Variants in PPIL2 observed in about 807,000 individuals in gnomAD.
The protein encoded by PPIL2 is RING-type E3 ubiquitin-protein ligase PPIL2.
Under a neutral mutation model 75.2 loss-of-function variants are expected in PPIL2, and 50 were observed. The ratio of observed to expected loss-of-function variants is 0.66; its 90% CI spans 0.53 to 0.84. PPIL2 has a LOEUF of 0.84. PPIL2 is among the 40% of genes least tolerant of loss of function. The pLI is 0.00. For missense variants in PPIL2, 590 were observed against 685.0 expected (o/e 0.86, Z 1.55); for synonymous variants, 245 against 258.8 (o/e 0.95, Z 0.51).
intron 10 of PPIL2, among the ~76,000 whole-genome samples, chr22:21,685,471 G>A (rs2067317310): frequency 6.6e-6 from 1 of 152,122 alleles, no homozygotes; most frequent in Admixed American, 6.5e-5. Context: ...CTGGAGCTAG[G>A]GGGAGGGCAG....
Position 21,692,446 on chromosome 22 carries a change from G to A in PPIL2, c.1140-1370G>A, listed in dbSNP as rs573443717. 1.6e-4 allele frequency among the ~76,000 whole-genome samples: 24 copies of A among 152,056 alleles called. No homozygotes were observed. The East Asian group carries it at 2.0e-3, about 12-fold the overall frequency. ...TGGGATTACAGGCGTGAGCCACTGT[G>A]CCTGGCCAATCCTGACAATCTTAAA... On this transcript the variant is annotated intron_variant, in intron 15 of 19. Coordinates refer to ENST00000398831, the MANE Select transcript of PPIL2 (RefSeq NM_014337.4).
In PPIL2 at chr22:21,697,399, G is replaced by A. The variant is rs2067980043; in HGVS notation, c.*1909G>A. 9.6e-6 allele frequency: 2 copies of A among 208,762 alleles called. No individual in the cohort carries two copies. Among genetic ancestry groups the A allele is most frequent in the South Asian group, 8.2e-5 (1 of 12,232 alleles). The allele number at this position is 208,762 out of a possible 1,614,324, so 12.9% of individuals were successfully genotyped here. A position where few individuals can be genotyped will look rare whatever the true frequency, so the allele number is the denominator to read the frequency against. On this transcript the variant is annotated 3_prime_UTR_variant, in exon 20 of 20. Transcript: ENST00000398831. Reference sequence around the variant, plus strand: ...ACATTCAAGTCCCCCATTGGTGGGGGCAGAGAAGTAGGACCAGGCCATCCT... The same window carrying A: ...ACATTCAAGTCCCCCATTGGTGGGGACAGAGAAGTAGGACCAGGCCATCCT...
chr22:21,691,024 G>A (rs2067604079), intron 15 of PPIL2, among the ~76,000 whole-genome samples: 1 of 134,850 alleles, frequency 7.4e-6, no homozygotes, highest in African/African-American at 2.8e-5. Context: ...GAGTGCAATG[G>A]CGGGATCTCG....
intron 15 of PPIL2, among the ~76,000 whole-genome samples, chr22:21,692,604 G>T (rs1314009178): frequency 6.6e-6 from 1 of 151,434 alleles, no homozygotes; most frequent in African/African-American, 2.4e-5. Context: ...TTTACTTCTG[G>T]TCTAAGGTTA....
chr22:21,683,061 C>A, intron 8 of PPIL2, 121 bp from the exon 9 acceptor site: 1 of 860,326 alleles, frequency 1.2e-6, no homozygotes, highest in South Asian at 1.4e-5. Flanking sequence ...TTGACTCCCC[C>A]AACCTCAGTG....
At chr22:21,692,408 C>A (rs1289321916) in intron 15 of PPIL2, among the ~76,000 whole-genome samples, 2 of 151,738 alleles carry the variant, frequency 1.3e-5, no homozygotes, top group East Asian at 2.0e-4. Flanking sequence ...CCCACCTTGG[C>A]CTCCCAAAGT....
intron 17 of PPIL2, 33 bp downstream of exon 17, chr22:21,694,698 G>A (rs1173987244): frequency 1.2e-6 from 2 of 1,613,102 alleles, no homozygotes; most frequent in Admixed American, 1.7e-5. Flanking sequence ...CGTGGCGGCT[G>A]GGGGCCAGGC....
chr22:21,695,669 T>C lies in PPIL2; in HGVS notation c.*179T>C. The C allele has an allele frequency of 7.1e-7, 1 of 1,410,432 alleles. No homozygotes were observed. Among genetic ancestry groups the C allele is most frequent in the Non-Finnish European group, 9.2e-7 (1 of 1,082,202 alleles). 87.4% of individuals were successfully genotyped at this position (1,410,432 alleles called of 1,614,324 possible). A position where few individuals can be genotyped will look rare whatever the true frequency, so the allele number is the denominator to read the frequency against. ...ACAGCCTTCCCATCCCTTAACCTGT[T>C]GCCAAGGGCCTTGGCCCTGTTTCCA... On this transcript the variant is annotated 3_prime_UTR_variant, in exon 20 of 20. Coordinates refer to ENST00000398831, the MANE Select transcript of PPIL2 (RefSeq NM_014337.4).
chr22:21,675,116 G>T lies in PPIL2; in HGVS notation c.295+1G>T. The T allele has an allele frequency of 1.2e-6, 2 of 1,612,792 alleles. No homozygotes were observed. Among genetic ancestry groups the T allele is most frequent in the South Asian group, 1.1e-5 (1 of 91,062 alleles). On this transcript the variant is annotated splice_donor_variant, in intron 6 of 19. Coordinates refer to ENST00000398831, the MANE Select transcript of PPIL2 (RefSeq NM_014337.4). LOFTEE classifies it high-confidence loss of function. Reference sequence around the variant, plus strand: ...CTGAACTTTTCCAAGAACAGTGAGGGTGAGTGGAACTATCACAGCCAATTC... The same window carrying T: ...CTGAACTTTTCCAAGAACAGTGAGGTTGAGTGGAACTATCACAGCCAATTC...
chr22:21,670,776 G>C, intron 3 of PPIL2, 165 bp downstream of exon 3: 1 of 901,498 alleles, frequency 1.1e-6, no homozygotes, highest in Non-Finnish European at 1.8e-6. Context: ...CATGATGTTA[G>C]GAGCTTGCCT....
At chr22:21,683,734 G>A (rs2067226590) in intron 9 of PPIL2, among the ~76,000 whole-genome samples, 1 of 152,210 alleles carries the variant, frequency 6.6e-6, no homozygotes, top group Admixed American at 6.5e-5. Flanking sequence ...TCAGGGTTGG[G>A]GCTGGGCCGT....
rs545752081 is a variant in PPIL2 at position 21,681,871 on chromosome 22, G to A, written c.387+481G>A. 8.5e-4 allele frequency among the ~76,000 whole-genome samples: 130 copies of A among 152,340 alleles called. 1 individual carries two copies. Among genetic ancestry groups the A allele is most frequent in the African/African-American group, 2.9e-3 (122 of 41,580 alleles). On this transcript the variant is annotated intron_variant, in intron 7 of 19. Coordinates refer to ENST00000398831, the MANE Select transcript of PPIL2 (RefSeq NM_014337.4). ...CATGGGTCCTCCTCTTGGGTGAGGCGGGGCAGGCCCCACATGGCGGGAAAG... is the reference window on the plus strand; with the variant it reads ...CATGGGTCCTCCTCTTGGGTGAGGCAGGGCAGGCCCCACATGGCGGGAAAG...
intron 6 of PPIL2, among the ~76,000 whole-genome samples, chr22:21,676,309 T>TTTTTTTTGTG (rs71318714): frequency 8.1e-6 from 1 of 123,018 alleles, no homozygotes; most frequent in African/African-American, 3.2e-5. Flanking sequence ...TTTATTTATT[T>TTTTTTTTGTG]TGTGTGTGTG....
chr22:21,673,937 A>G (rs1027312526), intron 5 of PPIL2, among the ~76,000 whole-genome samples: 1 of 152,102 alleles, frequency 6.6e-6, no homozygotes, highest in African/African-American at 2.4e-5. Flanking sequence ...ACCTGTAGTG[A>G]TGTAGGGAGG....
rs745805056 is a variant in PPIL2, at chr22:21,694,802, G to A, written c.1317G>A (p.Glu439=). The A allele has an allele frequency of 2.5e-6, 4 of 1,603,792 alleles. No homozygotes were observed. Among genetic ancestry groups the A allele is most frequent in the Non-Finnish European group, 3.4e-6 (4 of 1,173,190 alleles). ...DATTVFVDPY[E]EADAQIAQER... Reference sequence around the variant, plus strand: ...CTACAGTGTTCGTGGACCCCTATGAGGAGGCCGATGCCCAGGTGAGGGGGC... The same window carrying A: ...CTACAGTGTTCGTGGACCCCTATGAAGAGGCCGATGCCCAGGTGAGGGGGC... Residue 439 remains glutamate (E), a synonymous_variant, in exon 18 of 20, where the codon GAG becomes GAA. Transcript: ENST00000398831.
chr22:21,686,023 G>C (rs146589967), intron 10 of PPIL2, among the ~76,000 whole-genome samples: 1 of 151,974 alleles, frequency 6.6e-6, no homozygotes, highest in African/African-American at 2.4e-5. Flanking sequence ...TCAGCCAGGC[G>C]TGGTGGCATG....
rs901274712 is a variant in PPIL2 at position 21,688,716 on chromosome 22, G to T, written c.1022-16G>T. On this transcript the variant is annotated splice_polypyrimidine_tract_variant and intron_variant, in intron 14 of 19. Transcript: ENST00000398831. ...GGGCCCAGGCTTTCCTGCTCCCATG[G>T]GCCTTTCTCTTCCAGGTGGGGAGTC... The T allele has an allele frequency of 6.2e-7, 1 of 1,612,248 alleles. No homozygotes were observed. The highest frequency in any genetic ancestry group is 1.3e-5 in the African/African-American group (1 of 75,012).
chr22:21,677,196 C>G (rs1301625758), intron 6 of PPIL2, among the ~76,000 whole-genome samples: 1 of 151,768 alleles, frequency 6.6e-6, no homozygotes, highest in Non-Finnish European at 1.5e-5. Context: ...CAGAGACACT[C>G]CTCACCTCCC....
intron 10 of PPIL2, among the ~76,000 whole-genome samples, chr22:21,686,120 C>T (rs958878492): frequency 3.9e-5 from 6 of 152,126 alleles, no homozygotes; most frequent in South Asian, 4.1e-4. Context: ...CAGGATCACA[C>T]ACCACTGCAC....
Sources: gnomAD v4.1 joint callset for allele counts (sites outside exome capture counted in the v4.1 genomes callset) on GRCh38, gnomAD v4.1.1 for gene constraint, MANE v1.5 for transcripts, NCBI Gene and HGNC (gene_info 2026-07-23, HGNC 2026-07-21) for gene names.